The following CDKAL1 variants were observed in gnomAD, a reference collection of about 807,000 sequenced individuals.
CDKAL1 encodes threonylcarbamoyladenosine tRNA methylthiotransferase.
A neutral mutation model predicts 68.2 loss-of-function variants in CDKAL1; 32 were observed. The observed-to-expected ratio is 0.47, with a 90% CI of 0.35 to 0.63. CDKAL1 has a LOEUF of 0.63. Ranked by LOEUF, CDKAL1 falls within the 30% of genes least tolerant of loss-of-function variation. CDKAL1 has a pLI of 0.00. For missense variants in CDKAL1, 606 were observed against 696.7 expected (o/e 0.87, Z 1.47); for synonymous variants, 234 against 244.3 (o/e 0.96, Z 0.39).
chr6:20,933,938 T>TA lies in CDKAL1; in HGVS notation c.743-21478dup, dbSNP rs397940819. Among the ~76,000 whole-genome samples, 94 of 151,806 alleles carry TA rather than the reference T, an allele frequency of 6.2e-4. 1 individual carries two copies. The highest frequency in any genetic ancestry group is 2.8e-3 in the Admixed American group (43 of 15,246). On this transcript the variant is annotated intron_variant, in intron 9 of 15. Transcript: ENST00000274695. ...CATTGTTTAATCTTTTTTTTTTTTT[T>TA]AAATAGTAAAAGGTTATGTTATTTA...
intron 11 of CDKAL1, among the ~76,000 whole-genome samples, chr6:21,035,172 C>A (rs1011008061): frequency 6.6e-6 from 1 of 152,126 alleles, no homozygotes; most frequent in African/African-American, 2.4e-5. Flanking sequence ...CTATCAACAG[C>A]AATCTTAGCC....
chr6:20,951,178 A>G (rs976149273), intron 9 of CDKAL1, among the ~76,000 whole-genome samples: 3 of 152,192 alleles, frequency 2.0e-5, no homozygotes, highest in Admixed American at 6.5e-5. Flanking sequence ...GAGACTACTC[A>G]TGAATAATTG....
chr6:20,647,991 C>T (rs940034576), intron 4 of CDKAL1, among the ~76,000 whole-genome samples: 32 of 148,882 alleles, frequency 2.1e-4, no homozygotes, highest in African/African-American at 7.4e-4. Flanking sequence ...AGGAGAATGT[C>T]GTGAACCCAG....
At chr6:20,553,082 C>T (rs1763896327) in intron 4 of CDKAL1, among the ~76,000 whole-genome samples, 1 of 152,040 alleles carries the variant, frequency 6.6e-6, no homozygotes, top group South Asian at 2.1e-4. Context: ...AAACAGTATG[C>T]AGATAAATTA....
At chr6:20,803,390 TC>T (rs1195668059) in intron 8 of CDKAL1, among the ~76,000 whole-genome samples, 2 of 152,174 alleles carry the variant, frequency 1.3e-5, no homozygotes, top group African/African-American at 4.8e-5. Context: ...CCAACTATAG[TC>T]ATCTTTCAAA....
intron 10 of CDKAL1, among the ~76,000 whole-genome samples, chr6:20,968,979 G>T (rs1009969528): frequency 6.6e-6 from 1 of 151,914 alleles, no homozygotes; most frequent in African/African-American, 2.4e-5. Context: ...TGTTTGGAGG[G>T]TTTTCTTATG....
chr6:20,591,060 G>A (rs1765571219), intron 4 of CDKAL1, among the ~76,000 whole-genome samples: 1 of 152,210 alleles, frequency 6.6e-6, no homozygotes, highest in Non-Finnish European at 1.5e-5. Context: ...TAACTGGCAT[G>A]AGATGGTATC....
chr6:21,000,407 C>A (rs1561950547), intron 11 of CDKAL1, 35 bp downstream of exon 11: 3 of 1,565,514 alleles, frequency 1.9e-6, no homozygotes, highest in East Asian at 2.3e-5. Flanking sequence ...ATAACCATTT[C>A]TTTTTTCTTT....
At chr6:21,014,484 G>A (rs896818973) in intron 11 of CDKAL1, among the ~76,000 whole-genome samples, 1 of 151,526 alleles carries the variant, frequency 6.6e-6, no homozygotes, top group Admixed American at 6.6e-5. Context: ...GGCAGTGGGT[G>A]CCTGTAGTCC....
At chr6:21,052,902 A>G (rs1202869731) in intron 11 of CDKAL1, among the ~76,000 whole-genome samples, 6 of 152,228 alleles carry the variant, frequency 3.9e-5, no homozygotes, top group East Asian at 1.9e-4. Context: ...AGTGCTCAAT[A>G]AGACTTCTTA....
chr6:20,844,031 T>C (rs1581686361), intron 8 of CDKAL1, among the ~76,000 whole-genome samples: 1 of 152,084 alleles, frequency 6.6e-6, no homozygotes, highest in East Asian at 1.9e-4. Flanking sequence ...TAAACAGCTT[T>C]GAGAACCTGA....
intron 9 of CDKAL1, among the ~76,000 whole-genome samples, chr6:20,869,794 A>G (rs1760105090): frequency 6.6e-6 from 1 of 152,204 alleles, no homozygotes; most frequent in African/African-American, 2.4e-5. Context: ...AAACATTTTT[A>G]AAGATCCATA....
intron 4 of CDKAL1, among the ~76,000 whole-genome samples, chr6:20,645,422 T>C (rs1302503492): frequency 6.6e-6 from 1 of 152,088 alleles, no homozygotes; most frequent in East Asian, 1.9e-4. Context: ...ATTGTTTAAG[T>C]GTTTAAAATT....
rs1018144530 is a variant in CDKAL1, at chr6:21,175,607, T to C, written c.1300-22414T>C. On this transcript the variant is annotated intron_variant, in intron 13 of 15. Coordinates refer to ENST00000274695, the MANE Select transcript of CDKAL1 (RefSeq NM_017774.3). ...TTCAAAGGCTACATGGTTATGTGTG[T>C]CATTTATTGTACACTGATTTCTCCA... Among the ~76,000 whole-genome samples, 3 of 152,374 alleles carry C rather than the reference T, an allele frequency of 2.0e-5. No homozygotes were observed. The East Asian group carries it at 5.8e-4, about 29-fold the overall frequency.
chr6:20,568,657 C>T (rs1488174372), intron 4 of CDKAL1, among the ~76,000 whole-genome samples: 1 of 149,448 alleles, frequency 6.7e-6, no homozygotes, highest in African/African-American at 2.5e-5. Context: ...ATGGCGTGAA[C>T]CTGGGAGGCG....
At chr6:20,629,006 T>A (rs1193309839) in intron 4 of CDKAL1, among the ~76,000 whole-genome samples, 1 of 152,230 alleles carries the variant, frequency 6.6e-6, no homozygotes, top group Admixed American at 6.5e-5. Context: ...GAAATAACAC[T>A]TAGGCATTAC....
In CDKAL1 at chr6:20,535,834, C is replaced by T. The variant is rs1581687698; in HGVS notation, c.-6+440C>T. Among the ~76,000 whole-genome samples, 3 of 152,280 alleles carry T rather than the reference C, an allele frequency of 2.0e-5. No individual in the cohort carries two copies. The South Asian group carries it at 6.2e-4, about 32-fold the overall frequency. On this transcript the variant is annotated intron_variant, in intron 2 of 15. Coordinates refer to ENST00000274695, the MANE Select transcript of CDKAL1 (RefSeq NM_017774.3). Reference sequence around the variant, plus strand: ...AGTTATTTGTCTTTTTGATTCTACCCATCCTAATGGGTATGAAGTGGTGTA... The same window carrying T: ...AGTTATTTGTCTTTTTGATTCTACCTATCCTAATGGGTATGAAGTGGTGTA...
chr6:21,034,157 G>T (rs1769447563), intron 11 of CDKAL1, among the ~76,000 whole-genome samples: 1 of 152,160 alleles, frequency 6.6e-6, no homozygotes, highest in Admixed American at 6.6e-5. Flanking sequence ...ATAGAAAGAA[G>T]CAGGGACAAA....
intron 4 of CDKAL1, among the ~76,000 whole-genome samples, chr6:20,632,418 T>C (rs779567879): frequency 2.0e-5 from 3 of 152,154 alleles, no homozygotes; most frequent in South Asian, 2.1e-4. Flanking sequence ...CATTGTAAGG[T>C]TGAAAAATTA....
Sources: allele counts gnomAD v4.1 joint callset (sites outside exome capture counted in the v4.1 genomes callset), GRCh38; gene constraint gnomAD v4.1.1; transcripts MANE v1.5; gene names NCBI Gene and HGNC (gene_info 2026-07-23, HGNC 2026-07-21).